The following BTBD10 variants were observed in gnomAD, a reference collection of about 807,000 sequenced individuals.
The protein encoded by BTBD10 is BTB domain containing 10, also known as BTB/POZ domain-containing protein 10.
A neutral mutation model predicts 53.2 loss-of-function variants in BTBD10; 21 were observed. The observed-to-expected ratio is 0.39, with a 90% CI of 0.28 to 0.57. The LOEUF (loss-of-function observed/expected upper bound fraction) is 0.57. Among genes scored for constraint, BTBD10 ranks in the 20% least tolerant of loss-of-function variants. The pLI, the probability that BTBD10 is intolerant of heterozygous loss-of-function variation, is 0.53. For missense variants in BTBD10, 360 were observed against 594.7 expected (o/e 0.61, Z 4.10); for synonymous variants, 149 against 192.7 (o/e 0.77, Z 1.88).
chr11:13,427,444 T>C (rs1950361979), intron 2 of BTBD10, among the ~76,000 whole-genome samples: 1 of 152,160 alleles, frequency 6.6e-6, no homozygotes, highest in African/African-American at 2.4e-5. Flanking sequence ...AATCCAAATG[T>C]TTCTCTGCCT....
chr11:13,455,229 G>T (rs1283910570), intron 1 of BTBD10, among the ~76,000 whole-genome samples: 2 of 152,134 alleles, frequency 1.3e-5, no homozygotes, highest in Non-Finnish European at 2.9e-5. Context: ...TCCACTTAAA[G>T]GGTGATCTCT....
chr11:13,393,882 A>ATC (rs1949468283), intron 8 of BTBD10, among the ~76,000 whole-genome samples: 4 of 152,338 alleles, frequency 2.6e-5, no homozygotes, highest in Middle Eastern at 3.4e-3. Flanking sequence ...AAAAACTTTA[A>ATC]TAAGTATTTA....
At chr11:13,424,564 A>G (rs1021632586) in intron 2 of BTBD10, among the ~76,000 whole-genome samples, 2 of 152,208 alleles carry the variant, frequency 1.3e-5, no homozygotes, top group African/African-American at 4.8e-5. Flanking sequence ...ATATGTACAA[A>G]AGAAAATGAG....
At chr11:13,398,615 T>C (rs572303247) in intron 8 of BTBD10, among the ~76,000 whole-genome samples, 4 of 152,220 alleles carry the variant, frequency 2.6e-5, no homozygotes, top group Non-Finnish European at 4.4e-5. Flanking sequence ...TGTTCATTAG[T>C]TGATGCAGTT....
intron 6 of BTBD10, 94 bp from the exon 7 acceptor site, chr11:13,405,950 G>T: frequency 9.2e-7 from 1 of 1,085,744 alleles, no homozygotes; most frequent in Non-Finnish European, 1.3e-6. Flanking sequence ...AGGCCAGGCA[G>T]CCTACATAGG....
At chr11:13,420,923 A>G (rs180840091) in intron 3 of BTBD10, among the ~76,000 whole-genome samples, 1 of 152,340 alleles carries the variant, frequency 6.6e-6, no homozygotes, top group East Asian at 1.9e-4. Context: ...GGATCAACTG[A>G]AACATTGACA....
At chr11:13,403,388 T>C in intron 7 of BTBD10, 110 bp from the exon 8 acceptor site, 1 of 543,018 alleles carries the variant, frequency 1.8e-6, no homozygotes, top group Non-Finnish European at 3.2e-6. Context: ...GCCCAAATAA[T>C]GGATGCAGTA....
intron 6 of BTBD10, among the ~76,000 whole-genome samples, chr11:13,407,712 G>C (rs1449739610): frequency 6.6e-6 from 1 of 152,192 alleles, no homozygotes; most frequent in African/African-American, 2.4e-5. Context: ...AAAAAGTGGA[G>C]TCTAGCTCCC....
chr11:13,392,735 A>G (rs1949440975), intron 8 of BTBD10, among the ~76,000 whole-genome samples: 1 of 152,148 alleles, frequency 6.6e-6, no homozygotes, highest in Admixed American at 6.5e-5. Flanking sequence ...GGGTAGAATA[A>G]TTCACAATCC....
At chr11:13,455,810 T>C (rs539079274) in intron 1 of BTBD10, among the ~76,000 whole-genome samples, 1 of 152,324 alleles carries the variant, frequency 6.6e-6, no homozygotes, top group East Asian at 1.9e-4. Context: ...TTTCCTTCCA[T>C]GATGCTTTAT....
chr11:13,426,757 C>A (rs918416606), intron 2 of BTBD10, among the ~76,000 whole-genome samples: 4 of 151,556 alleles, frequency 2.6e-5, no homozygotes, highest in Non-Finnish European at 4.4e-5. Context: ...AAAATAAAAT[C>A]ATAAAAAAGG....
chr11:13,432,803 T>C lies in BTBD10; in HGVS notation c.102-10965A>G, dbSNP rs553122485. Among the ~76,000 whole-genome samples the C allele has an allele frequency of 3.3e-5, 5 of 151,272 alleles. No individual in the cohort carries two copies. In the South Asian group the frequency reaches 1.0e-3, roughly 32 times the overall value. The stretch of plus-strand genomic sequence containing the variant: ...GAATATATCCTTAAAAGAACAAAAA[T>C]GCAAAGAAATGGAAAATAAGACAGC... On this transcript the variant is annotated intron_variant, in intron 2 of 8. Coordinates refer to ENST00000278174, the MANE Select transcript of BTBD10 (RefSeq NM_032320.7).
intron 2 of BTBD10, among the ~76,000 whole-genome samples, chr11:13,430,175 C>T (rs1362923110): frequency 1.3e-5 from 2 of 152,044 alleles, no homozygotes; most frequent in African/African-American, 2.4e-5. Context: ...ATTTGCAAAT[C>T]ATGTATCTGA....
intron 6 of BTBD10, among the ~76,000 whole-genome samples, chr11:13,406,254 T>C (rs1949823933): frequency 6.6e-6 from 1 of 152,130 alleles, no homozygotes; most frequent in Admixed American, 6.6e-5. Context: ...GTCAATAGTC[T>C]TTAGAATAAT....
chr11:13,421,118 C>G (rs977200268), intron 3 of BTBD10, among the ~76,000 whole-genome samples: 6 of 151,784 alleles, frequency 4.0e-5, no homozygotes, highest in Non-Finnish European at 5.9e-5. Flanking sequence ...TATGTGTTCA[C>G]CTGGGGTACT....
At chr11:13,406,186 C>G (rs1407764166) in intron 6 of BTBD10, among the ~76,000 whole-genome samples, 1 of 152,094 alleles carries the variant, frequency 6.6e-6, no homozygotes, top group Admixed American at 6.6e-5. Flanking sequence ...CTCTCCTTCT[C>G]CAAAAGTTAT....
At chr11:13,390,288 C>G (rs1030406978) in intron 8 of BTBD10, among the ~76,000 whole-genome samples, 3 of 152,116 alleles carry the variant, frequency 2.0e-5, no homozygotes, top group African/African-American at 7.2e-5. Context: ...ACTTTTCACT[C>G]TGCCACTGTA....
intron 8 of BTBD10, among the ~76,000 whole-genome samples, chr11:13,394,450 C>T (rs932105855): frequency 6.6e-6 from 1 of 152,172 alleles, no homozygotes; most frequent in East Asian, 1.9e-4. Flanking sequence ...TTCCTGAGGC[C>T]TCCCAGTCAT....
At position 13,430,924 on chromosome 11, in the gene BTBD10, T is replaced by G. The variant is rs1227239666; in HGVS notation, c.102-9086A>C. On this transcript the variant is annotated intron_variant, in intron 2 of 8. Coordinates refer to ENST00000278174, the MANE Select transcript of BTBD10 (RefSeq NM_032320.7). ...AGGGCACCAAAGAAGCTTTTGAGTG[T>G]GATGTATATGCTCATTATCCTAATT... Among the ~76,000 whole-genome samples, 4 of 151,154 alleles carry G rather than the reference T, an allele frequency of 2.6e-5. No individual in the cohort carries two copies. In the East Asian group the frequency reaches 7.8e-4, roughly 29 times the overall value.
Sources: gnomAD v4.1 joint callset for allele counts (sites outside exome capture counted in the v4.1 genomes callset) on GRCh38, gnomAD v4.1.1 for gene constraint, MANE v1.5 for transcripts, NCBI Gene and HGNC (gene_info 2026-07-23, HGNC 2026-07-21) for gene names.